Variants in RFC3 observed in about 807,000 individuals in gnomAD.
The protein encoded by RFC3 is replication factor C subunit 3.
RFC3 carries 41 observed loss-of-function variants against 45.1 expected under a neutral mutation model. The ratio of observed to expected loss-of-function variants is 0.91; its 90% confidence interval spans 0.71 to 1.18. The LOEUF is 1.18. RFC3 is among the 50% of genes most tolerant of loss of function. RFC3 has a pLI of 0.00. For missense variants in RFC3, 423 were observed against 428.1 expected (o/e 0.99, Z 0.10); for synonymous variants, 149 against 144.0 (o/e 1.03, Z -0.25).
intron 8 of RFC3, among the ~76,000 whole-genome samples, chr13:33,915,877 C>T (rs1343737308): frequency 1.3e-5 from 2 of 152,084 alleles, no homozygotes; most frequent in East Asian, 3.9e-4. Flanking sequence ...CGGCTCATTG[C>T]AACCTCTGCC....
intron 1 of RFC3, among the ~76,000 whole-genome samples, chr13:33,819,671 G>A (rs2081983592): frequency 6.6e-6 from 1 of 151,960 alleles, no homozygotes; most frequent in African/African-American, 2.4e-5. Context: ...CAATAGCTTT[G>A]TCTTCAGTTT....
At chr13:33,889,588 A>G (rs1163901709) in intron 8 of RFC3, among the ~76,000 whole-genome samples, 1 of 152,162 alleles carries the variant, frequency 6.6e-6, no homozygotes, top group Non-Finnish European at 1.5e-5. Context: ...TTTTCTAGCT[A>G]TCTTGAAATA....
chr13:33,919,900 G>A (rs550066735), intron 8 of RFC3, among the ~76,000 whole-genome samples: 38 of 152,262 alleles, frequency 2.5e-4, no homozygotes, highest in African/African-American at 9.1e-4. Context: ...AACCTGGGTT[G>A]TAGTCTTCAC....
At chr13:33,879,948 T>C (rs1167154406) in intron 8 of RFC3, among the ~76,000 whole-genome samples, 2 of 152,224 alleles carry the variant, frequency 1.3e-5, no homozygotes, top group Admixed American at 1.3e-4. Context: ...CTTAAGTCTT[T>C]CGCATATTGC....
intron 8 of RFC3, chr13:33,846,208 T>C (rs2082235667): frequency 6.6e-6 from 1 of 152,266 alleles, no homozygotes; most frequent in Non-Finnish European, 1.5e-5. Flanking sequence ...GGGACTGTGC[T>C]ATGTCAGGAC....
intron 2 of RFC3, 62 bp downstream of exon 2, chr13:33,821,331 T>G: frequency 2.0e-6 from 3 of 1,517,256 alleles, no homozygotes; most frequent in Non-Finnish European, 2.7e-6. Context: ...GTCTTGGTCA[T>G]GTATGTCCCC....
intron 8 of RFC3, among the ~76,000 whole-genome samples, chr13:33,954,223 G>T (rs941318755): frequency 3.3e-5 from 5 of 152,142 alleles, no homozygotes; most frequent in Non-Finnish European, 7.4e-5. Context: ...TGGGGGAAAA[G>T]AATGGAATAG....
chr13:33,934,770 G>A (rs200625090), intron 8 of RFC3, among the ~76,000 whole-genome samples: 1 of 152,070 alleles, frequency 6.6e-6, no homozygotes, highest in East Asian at 1.9e-4. Context: ...TCTGTCTTTG[G>A]TAATCTCCCT....
chr13:33,896,231 TAAAAAG>T (rs916873901), intron 8 of RFC3, among the ~76,000 whole-genome samples: 2 of 151,384 alleles, frequency 1.3e-5, no homozygotes, highest in African/African-American at 4.8e-5. Context: ...TATTCTAATA[TAAAAAG>T]AAAGTATAAA....
At chr13:33,858,023 G>A (rs1032387931) in intron 8 of RFC3, among the ~76,000 whole-genome samples, 10 of 152,168 alleles carry the variant, frequency 6.6e-5, no homozygotes, top group Non-Finnish European at 4.4e-5. Context: ...TGATGTGCAT[G>A]TTTTATCAAG....
intron 4 of RFC3, among the ~76,000 whole-genome samples, chr13:33,828,106 C>T (rs1183027298): frequency 6.6e-6 from 1 of 152,088 alleles, no homozygotes; most frequent in Non-Finnish European, 1.5e-5. Flanking sequence ...CATGATCAAG[C>T]TACTGCACTC....
chr13:33,915,189 A>G (rs1405324298), intron 8 of RFC3, among the ~76,000 whole-genome samples: 1 of 152,198 alleles, frequency 6.6e-6, no homozygotes, highest in Non-Finnish European at 1.5e-5. Flanking sequence ...TATGAATTCA[A>G]CTGCTGCTGC....
At chr13:33,918,894 C>G (rs1479966758) in intron 8 of RFC3, among the ~76,000 whole-genome samples, 1 of 152,146 alleles carries the variant, frequency 6.6e-6, no homozygotes, top group African/African-American at 2.4e-5. Context: ...TGGGCCTCAT[C>G]ATGAAATGGT....
At chr13:33,956,557 A>C (rs1194478764) in intron 8 of RFC3, among the ~76,000 whole-genome samples, 12 of 152,214 alleles carry the variant, frequency 7.9e-5, no homozygotes, top group Admixed American at 7.2e-4. Flanking sequence ...CATACCAAAA[A>C]GTATTTCCAT....
chr13:33,859,239 T>C (rs2082325762), intron 8 of RFC3, among the ~76,000 whole-genome samples: 1 of 152,142 alleles, frequency 6.6e-6, no homozygotes. Flanking sequence ...CTGTGTATCG[T>C]CTTTTCCCCA....
chr13:33,860,161 T>C (rs1356819613), intron 8 of RFC3, among the ~76,000 whole-genome samples: 3 of 152,136 alleles, frequency 2.0e-5, no homozygotes, highest in East Asian at 1.9e-4. Context: ...GAGAAAAATA[T>C]GTTTCTGTTG....
chr13:33,903,661 T>C (rs775282203), intron 8 of RFC3, among the ~76,000 whole-genome samples: 2 of 152,054 alleles, frequency 1.3e-5, no homozygotes, highest in Non-Finnish European at 2.9e-5. Flanking sequence ...CTCTATGTTT[T>C]GTCCCATGAG....
intron 8 of RFC3, among the ~76,000 whole-genome samples, chr13:33,960,545 A>G (rs771514495): frequency 6.6e-5 from 10 of 152,222 alleles, no homozygotes; most frequent in Non-Finnish European, 1.5e-4. Flanking sequence ...TTCTCCACCT[A>G]CAAGGACTGG....
chr13:33,890,157 G>C (rs889760840), intron 8 of RFC3, among the ~76,000 whole-genome samples: 2 of 152,172 alleles, frequency 1.3e-5, no homozygotes, highest in Non-Finnish European at 2.9e-5. Flanking sequence ...TATGTAAACT[G>C]TGTGGGGTGG....
Sources: allele counts gnomAD v4.1 joint callset (sites outside exome capture counted in the v4.1 genomes callset), GRCh38; gene constraint gnomAD v4.1.1; transcripts MANE v1.5; gene names NCBI Gene and HGNC (gene_info 2026-07-23, HGNC 2026-07-21).